Variants in ROBO1 observed in about 807,000 individuals in gnomAD.
ROBO1 encodes the protein roundabout homolog 1.
Under a neutral mutation model 195.9 loss-of-function variants are expected in ROBO1, and 149 were observed. The observed-to-expected ratio is 0.76, with a 90% CI of 0.67 to 0.87. ROBO1 has a LOEUF of 0.87. ROBO1 is among the 40% of genes least tolerant of loss of function. The probability of loss-of-function intolerance (pLI) is 0.00; values close to 1 mark genes in which losing one functional copy is unlikely to be tolerated. For synonymous variants in ROBO1, 816 were observed against 733.2 expected, an observed-to-expected ratio of 1.11 and a Z score of -1.82; for missense variants, 1,933 against 2,068.3, an observed-to-expected ratio of 0.93 and a Z score of 1.27.
chr3:78,805,174 T>A (rs1414343821), intron 4 of ROBO1, among the ~76,000 whole-genome samples: 2 of 152,200 alleles, frequency 1.3e-5, no homozygotes, highest in Non-Finnish European at 2.9e-5. Context: ...ATTAATACTT[T>A]CTCACTAGTG....
intron 4 of ROBO1, among the ~76,000 whole-genome samples, chr3:78,781,140 C>A (rs2083665247): frequency 6.6e-6 from 1 of 152,106 alleles, no homozygotes; most frequent in African/African-American, 2.4e-5. Flanking sequence ...AGCACAGTAA[C>A]CACTTTTTGC....
chr3:78,894,089 T>C (rs2037086704), intron 4 of ROBO1, among the ~76,000 whole-genome samples: 1 of 152,214 alleles, frequency 6.6e-6, no homozygotes, highest in Non-Finnish European at 1.5e-5. Flanking sequence ...GAAAAGAATT[T>C]AGTTTTTCTT....
intron 2 of ROBO1, among the ~76,000 whole-genome samples, chr3:79,198,497 C>T (rs951797693): frequency 6.6e-6 from 1 of 151,908 alleles, no homozygotes; most frequent in South Asian, 2.1e-4. Flanking sequence ...GTTCTTTTTG[C>T]TTAGGATTGT....
chr3:78,947,834 AG>A (rs1261306071), intron 3 of ROBO1, among the ~76,000 whole-genome samples: 1 of 152,194 alleles, frequency 6.6e-6, no homozygotes, highest in Non-Finnish European at 1.5e-5. Flanking sequence ...AAAATGATAA[AG>A]GGGATAACAC....
At chr3:78,884,412 G>C (rs945205017) in intron 4 of ROBO1, among the ~76,000 whole-genome samples, 3 of 151,980 alleles carry the variant, frequency 2.0e-5, no homozygotes, top group Admixed American at 6.6e-5. Context: ...AAGAGTTCAA[G>C]ACCAGACAGA....
Position 78,639,892 on chromosome 3 carries a change from T to C in ROBO1, c.2889A>G (p.Gly963=), listed in dbSNP as rs1437084903. The change falls in exon 22 of 31, where the codon GGA becomes GGG. Residue 963 remains glycine (G), a synonymous_variant. Coordinates refer to ENST00000464233, the MANE Select transcript of ROBO1 (RefSeq NM_002941.4). ...GEAVSSGGRP[G]LLNISEPAAQ... The stretch of plus-strand genomic sequence containing the variant: ...CGGCAGGTTCACTGATGTTGAGAAG[T>C]CCAGGCCTAAATAAAAAAAAAATAT... 1.3e-6 allele frequency: 2 copies of C among 1,575,870 alleles called. No homozygotes were observed. The highest frequency in any genetic ancestry group is 1.8e-5 in the Admixed American group (1 of 54,100).
intron 3 of ROBO1, among the ~76,000 whole-genome samples, chr3:79,015,526 G>A (rs1042923801): frequency 2.6e-5 from 4 of 152,066 alleles, no homozygotes; most frequent in African/African-American, 9.7e-5. Context: ...GCAAGTCTAT[G>A]AAGGAAAAGA....
At chr3:79,284,004 G>T (rs115697568) in intron 2 of ROBO1, among the ~76,000 whole-genome samples, 3,903 of 151,344 alleles carry the variant, frequency 0.026, 144 homozygotes, top group African/African-American at 0.084. Flanking sequence ...GCCTATCCAT[G>T]AATTCTTAAA....
intron 23 of ROBO1, 38 bp from the exon 24 acceptor site, chr3:78,634,080 T>C (rs1291945962): frequency 1.5e-6 from 2 of 1,378,240 alleles, no homozygotes; most frequent in African/African-American, 2.9e-5. Context: ...AACATTTATT[T>C]TCTCTTCATG....
intron 8 of ROBO1, among the ~76,000 whole-genome samples, chr3:78,700,319 C>T (rs2081391426): frequency 6.6e-6 from 1 of 152,198 alleles, no homozygotes; most frequent in African/African-American, 2.4e-5. Context: ...TTTATCTGTA[C>T]ATCCTTCATA....
intron 4 of ROBO1, among the ~76,000 whole-genome samples, chr3:78,839,957 AT>A (rs2033065083): frequency 6.6e-6 from 1 of 152,232 alleles, no homozygotes; most frequent in Non-Finnish European, 1.5e-5. Flanking sequence ...CAAAAAGCGT[AT>A]TAACTAAATG....
At chr3:78,687,182 T>A (rs753296220) in intron 9 of ROBO1, among the ~76,000 whole-genome samples, 2 of 152,190 alleles carry the variant, frequency 1.3e-5, no homozygotes, top group African/African-American at 2.4e-5. Context: ...AAAATATCAC[T>A]CTTTTAAGAA....
intron 4 of ROBO1, among the ~76,000 whole-genome samples, chr3:78,852,141 C>A (rs545914193): frequency 1.8e-4 from 28 of 152,084 alleles, no homozygotes; most frequent in African/African-American, 6.5e-4. Context: ...ATTATGTGTT[C>A]ATTTTTAATG....
chr3:79,350,667 C>G (rs564821546), intron 2 of ROBO1, among the ~76,000 whole-genome samples: 2 of 152,214 alleles, frequency 1.3e-5, no homozygotes, highest in African/African-American at 4.8e-5. Flanking sequence ...AAACATCATG[C>G]TACATTAAAG....
chr3:79,060,597 A>G (rs752102466), intron 3 of ROBO1, among the ~76,000 whole-genome samples: 18 of 152,030 alleles, frequency 1.2e-4, no homozygotes, highest in Non-Finnish European at 2.2e-4. Flanking sequence ...TTCCCCCCAT[A>G]ATAAAATATG....
At chr3:79,100,122 G>A (rs1360502985) in intron 3 of ROBO1, among the ~76,000 whole-genome samples, 8 of 151,738 alleles carry the variant, frequency 5.3e-5, no homozygotes, top group Non-Finnish European at 1.2e-4. Context: ...CATTATTGAG[G>A]AATGGCCACT....
chr3:78,700,610 A>G (rs2081397442), intron 8 of ROBO1, among the ~76,000 whole-genome samples: 2 of 152,178 alleles, frequency 1.3e-5, no homozygotes, highest in Admixed American at 6.5e-5. Context: ...GTCAGATCAT[A>G]TATTAGGAAC....
intron 2 of ROBO1, among the ~76,000 whole-genome samples, chr3:79,334,161 C>T (rs948396768): frequency 4.6e-5 from 7 of 151,366 alleles, no homozygotes; most frequent in East Asian, 1.9e-4. Context: ...AAAAATTAGC[C>T]GGGCGTGGTG....
At chr3:79,194,157 C>T (rs1167808882) in intron 2 of ROBO1, among the ~76,000 whole-genome samples, 2 of 151,620 alleles carry the variant, frequency 1.3e-5, no homozygotes, top group African/African-American at 4.8e-5. Context: ...TCTCCATGGA[C>T]CTATCCTTCT....
Sources: gnomAD v4.1 joint callset for allele counts (sites outside exome capture counted in the v4.1 genomes callset) on GRCh38, gnomAD v4.1.1 for gene constraint, MANE v1.5 for transcripts, NCBI Gene and HGNC (gene_info 2026-07-23, HGNC 2026-07-21) for gene names.